The following DIP2C variants were observed in gnomAD, a reference collection of about 807,000 sequenced individuals.
The protein encoded by DIP2C is DIP2 acetate--CoA ligase C (putative), also known as disco-interacting protein 2 homolog C.
Under a neutral mutation model 192.4 loss-of-function variants are expected in DIP2C, and 33 were observed. That is an observed-to-expected ratio of 0.17 (90% CI 0.13 to 0.23). The LOEUF (loss-of-function observed/expected upper bound fraction) is 0.23, where lower values mean the gene tolerates loss of function less well. Ranked by LOEUF, DIP2C falls within the 10% of genes least tolerant of loss-of-function variation. The pLI is 1.00. For missense variants in DIP2C, 1,537 were observed against 2,110.1 expected (o/e 0.73, Z 5.32); for synonymous variants, 979 against 864.1 (o/e 1.13, Z -2.33).
intron 1 of DIP2C, among the ~76,000 whole-genome samples, chr10:648,023 C>T (rs760759755): frequency 2.6e-5 from 4 of 151,756 alleles, no homozygotes; most frequent in African/African-American, 9.7e-5. Flanking sequence ...TCCACGTCCA[C>T]ATTTGACGGT....
intron 3 of DIP2C, among the ~76,000 whole-genome samples, chr10:447,348 G>A (rs1187418048): frequency 2.0e-5 from 3 of 150,902 alleles, no homozygotes; most frequent in South Asian, 4.2e-4. Flanking sequence ...CACACACAGT[G>A]GGGCAGCAGG....
At chr10:364,725 G>A (rs1053001517) in intron 19 of DIP2C, 143 bp from the exon 20 acceptor site, 1 of 868,866 alleles carries the variant, frequency 1.2e-6, no homozygotes, top group African/African-American at 1.7e-5. Flanking sequence ...CGAGGTCACA[G>A]TGACCGCTGG....
chr10:481,695 C>T (rs925089607), intron 2 of DIP2C, among the ~76,000 whole-genome samples: 2 of 152,216 alleles, frequency 1.3e-5, no homozygotes, highest in South Asian at 2.1e-4. Flanking sequence ...GGAAGGTCTC[C>T]GGTGCCTGTT....
chr10:569,421 C>T (rs1849645692), intron 1 of DIP2C, among the ~76,000 whole-genome samples: 1 of 151,282 alleles, frequency 6.6e-6, no homozygotes, highest in South Asian at 2.1e-4. Flanking sequence ...TATAGTAATA[C>T]AATTTGAGAT....
At chr10:670,245 C>G (rs1830554109) in intron 1 of DIP2C, among the ~76,000 whole-genome samples, 1 of 151,880 alleles carries the variant, frequency 6.6e-6, no homozygotes, top group Non-Finnish European at 1.5e-5. Context: ...CACGCATATG[C>G]ACACACGTAC....
chr10:419,066 A>T lies in DIP2C; in HGVS notation c.738T>A (p.Asp246Glu). 1 of 1,614,258 alleles carries T rather than the reference A, an allele frequency of 6.2e-7. No homozygotes were observed. Among genetic ancestry groups the T allele is most frequent in the Non-Finnish European group, 8.5e-7 (1 of 1,180,042 alleles). ...ACGCATCTCTCCTTTGGGACGTACC[A>T]TCCCCGGTCTCCATGAGCTCGGCGT... ...YGNAELMETG[D>E]GVPVSSRVSA... Residue 246 changes from aspartate (D) to glutamate (E), a missense_variant and splice_region_variant, in exon 6 of 37, where the codon GAT (aspartate) becomes GAA (glutamate). Asp to Glu is a conservative substitution (Grantham distance 45, BLOSUM62 2). Around this residue, in one of 4 missense-constraint regions of DIP2C, gnomAD observed 473 missense variants for 539.6 expected, o/e 0.88. Coordinates refer to ENST00000280886, the MANE Select transcript of DIP2C (RefSeq NM_014974.3).
At chr10:492,080 G>A (rs1016244745) in intron 1 of DIP2C, among the ~76,000 whole-genome samples, 5 of 152,226 alleles carry the variant, frequency 3.3e-5, no homozygotes, top group Admixed American at 1.3e-4. Context: ...TGAGAACCCA[G>A]TTGTTGCTCT....
At chr10:296,274 T>G (rs1156636709) in intron 32 of DIP2C, among the ~76,000 whole-genome samples, 1 of 152,206 alleles carries the variant, frequency 6.6e-6, no homozygotes, top group Non-Finnish European at 1.5e-5. Context: ...AAGTCTTTAA[T>G]CCATCTTGAA....
intron 1 of DIP2C, among the ~76,000 whole-genome samples, chr10:603,364 G>A (rs1852234044): frequency 1.5e-5 from 2 of 130,422 alleles, no homozygotes; most frequent in African/African-American, 6.0e-5. Context: ...CTTCATACTA[G>A]TAATGTGGGC....
chr10:660,765 T>C (rs953570776), intron 1 of DIP2C, among the ~76,000 whole-genome samples: 1 of 152,134 alleles, frequency 6.6e-6, no homozygotes, highest in African/African-American at 2.4e-5. Flanking sequence ...GCATCAAGAG[T>C]CAGGTGTTCC....
At chr10:466,760 C>T (rs1322616976) in intron 3 of DIP2C, among the ~76,000 whole-genome samples, 1 of 151,254 alleles carries the variant, frequency 6.6e-6, no homozygotes, top group African/African-American at 2.4e-5. Flanking sequence ...GACATTTATG[C>T]AGCCAAAAAA....
Position 275,334 on chromosome 10 carries a change from C to T in DIP2C, c.*1991G>A, listed in dbSNP as rs1954460649. 2 of 152,054 alleles carry T rather than the reference C, an allele frequency of 1.3e-5. No individual in the cohort carries two copies. Among genetic ancestry groups the T allele is most frequent in the African/African-American group, 4.8e-5 (2 of 41,398 alleles). 9.4% of individuals were successfully genotyped at this position (152,054 alleles called of 1,614,324 possible). ...TGGTTCCCCCCTTAGGAAGCAGAGA[C>T]TAGGAATGTGCATCTGAAGCATGTG... On this transcript the variant is annotated 3_prime_UTR_variant, in exon 37 of 37. Coordinates refer to ENST00000280886, the MANE Select transcript of DIP2C (RefSeq NM_014974.3).
chr10:386,756 C>A (rs986341912), intron 14 of DIP2C, among the ~76,000 whole-genome samples: 2 of 152,174 alleles, frequency 1.3e-5, no homozygotes, highest in Non-Finnish European at 2.9e-5. Context: ...TGTGACAACT[C>A]CTAGAATTTT....
At chr10:526,134 C>T (rs1025225524) in intron 1 of DIP2C, among the ~76,000 whole-genome samples, 1 of 152,192 alleles carries the variant, frequency 6.6e-6, no homozygotes, top group Non-Finnish European at 1.5e-5. Flanking sequence ...AAGCGTCCAC[C>T]TGAAACAGGA....
At chr10:376,749 A>G (rs943526133) in intron 17 of DIP2C, among the ~76,000 whole-genome samples, 2 of 152,128 alleles carry the variant, frequency 1.3e-5, no homozygotes, top group African/African-American at 4.8e-5. Context: ...ACAGCAGCAG[A>G]ATGAACTAAT....
intron 3 of DIP2C, among the ~76,000 whole-genome samples, chr10:444,039 G>A (rs61837237): frequency 0.16 from 24,242 of 152,020 alleles, 4,991 homozygotes; most frequent in African/African-American, 0.48. Flanking sequence ...CCTGGCCCTC[G>A]TGAGACAGCC....
In DIP2C at chr10:445,286, G is replaced by C. The variant is rs377227182; in HGVS notation, c.269-4290C>G. Among the ~76,000 whole-genome samples, 3 of 152,062 alleles carry C rather than the reference G, an allele frequency of 2.0e-5. No homozygotes were observed. In the South Asian group the frequency reaches 6.3e-4, roughly 32 times the overall value. On this transcript the variant is annotated intron_variant, in intron 3 of 36. Coordinates refer to ENST00000280886, the MANE Select transcript of DIP2C (RefSeq NM_014974.3). The stretch of plus-strand genomic sequence containing the variant: ...CATCTGTATACAACTGTTGTGAAGA[G>C]TCTATCTTGCACTGGACATCTGTAT...
At chr10:678,750 CTCCCCATGT>C (rs1830976975) in intron 1 of DIP2C, among the ~76,000 whole-genome samples, 1 of 58,264 alleles carries the variant, frequency 1.7e-5, no homozygotes, top group African/African-American at 5.9e-5. Context: ...CCCATCTCTG[CTCCCCATGT>C]CCATGCTCCC....
chr10:375,789 A>T (rs963730015), intron 17 of DIP2C, among the ~76,000 whole-genome samples: 2 of 152,240 alleles, frequency 1.3e-5, no homozygotes, highest in Non-Finnish European at 2.9e-5. Flanking sequence ...AGGGCTTAAC[A>T]GAGAGCCACA....
Sources: allele counts gnomAD v4.1 joint callset (sites outside exome capture counted in the v4.1 genomes callset), GRCh38; gene constraint gnomAD v4.1.1; regional missense constraint gnomAD v4.1.1; transcripts MANE v1.5; gene names NCBI Gene and HGNC (gene_info 2026-07-23, HGNC 2026-07-21).